The following MAP7 variants were observed in gnomAD, a reference collection of about 807,000 sequenced individuals.
The protein encoded by MAP7 is microtubule associated protein 7, also known as ensconsin.
Under a neutral mutation model 94.8 loss-of-function variants are expected in MAP7, and 52 were observed. The observed-to-expected ratio is 0.55, with a 90% CI of 0.44 to 0.69. MAP7 has a LOEUF of 0.69. MAP7 is among the 30% of genes least tolerant of loss of function. The pLI, the probability that MAP7 is intolerant of heterozygous loss-of-function variation, is 0.00. For synonymous variants in MAP7, 350 were observed against 357.0 expected (o/e 0.98, Z 0.22); for missense variants, 940 against 964.6 (o/e 0.97, Z 0.34).
At chr6:136,353,828 C>T (rs1485509143) in intron 16 of MAP7, among the ~76,000 whole-genome samples, 1 of 152,144 alleles carries the variant, frequency 6.6e-6, no homozygotes, top group Non-Finnish European at 1.5e-5. Flanking sequence ...GCTGGGATTA[C>T]AGGCGTAAGC....
At chr6:136,367,419 G>A (rs543235863) in intron 8 of MAP7, among the ~76,000 whole-genome samples, 4 of 152,202 alleles carry the variant, frequency 2.6e-5, no homozygotes, top group African/African-American at 4.8e-5. Flanking sequence ...ACATGAACTA[G>A]TACTGTACCT....
intron 11 of MAP7, among the ~76,000 whole-genome samples, chr6:136,361,940 TG>T (rs1239499800): frequency 6.6e-6 from 1 of 152,234 alleles, no homozygotes; most frequent in Non-Finnish European, 1.5e-5. Flanking sequence ...ACTGTACAAT[TG>T]TACCTCTGCT....
In MAP7 at chr6:136,389,375, C is replaced by A; in HGVS notation, c.387G>T (p.Arg129Ser). The change falls in exon 4 of 18, where the codon AGG (arginine) becomes AGT (serine). Residue 129 changes from arginine to serine, a missense_variant. Arg to Ser is a moderately radical substitution (Grantham distance 110). Coordinates refer to ENST00000354570, the MANE Select transcript of MAP7 (RefSeq NM_003980.6). ...RRRAAVEEKR[R>S]QRLEEDKERH... ...TCACTTTGTCCTCCTCAAGTCTCTG[C>A]CTCCGCTTCTCCTCCACAGCAGCCC... 1 of 1,555,918 alleles carries A rather than the reference C, an allele frequency of 6.4e-7. No individual in the cohort carries two copies. Among genetic ancestry groups the A allele is most frequent in the African/African-American group, 1.4e-5 (1 of 71,824 alleles).
intron 1 of MAP7, among the ~76,000 whole-genome samples, chr6:136,476,666 C>A (rs1269948524): frequency 1.3e-5 from 2 of 152,146 alleles, no homozygotes; most frequent in Non-Finnish European, 2.9e-5. Context: ...ATCTATCACA[C>A]CTGCTCCAGG....
chr6:136,392,065 T>C (rs1780927113), intron 3 of MAP7, among the ~76,000 whole-genome samples: 1 of 152,158 alleles, frequency 6.6e-6, no homozygotes. Flanking sequence ...TGTACCAAAG[T>C]ACACTTACTG....
intron 1 of MAP7, among the ~76,000 whole-genome samples, chr6:136,537,451 T>C (rs2129058471): frequency 6.6e-6 from 1 of 152,348 alleles, no homozygotes; most frequent in South Asian, 2.1e-4. Context: ...ACATCTCTTG[T>C]ATTTTTTCTC....
chr6:136,388,669 A>G lies in MAP7; in HGVS notation c.409-159T>C, dbSNP rs997162910. ...ATACCATAAGGTGAGACTAGTGTCA[A>G]TCTGGGAGGGTCACTTTAGTCATTA... is the stretch of plus-strand genomic sequence containing the variant. On this transcript the variant is annotated intron_variant, in intron 4 of 17. Coordinates refer to ENST00000354570, the MANE Select transcript of MAP7 (RefSeq NM_003980.6). 4.1e-5 allele frequency: 24 copies of G among 589,156 alleles called. No homozygotes were observed. The African/African-American group carries it at 4.3e-4, about 11-fold the overall frequency. The allele number at this position is 589,156 out of a possible 1,614,324, so 36.5% of individuals were successfully genotyped here.
chr6:136,424,365 G>A (rs1457287505), intron 1 of MAP7, among the ~76,000 whole-genome samples: 2 of 149,782 alleles, frequency 1.3e-5, no homozygotes, highest in East Asian at 1.9e-4. Context: ...CATATACTAC[G>A]ATGCTCAGTA....
chr6:136,396,103 A>G (rs1191771775), intron 3 of MAP7, among the ~76,000 whole-genome samples: 8 of 151,700 alleles, frequency 5.3e-5, no homozygotes, highest in East Asian at 1.9e-4. Flanking sequence ...GAAGAATGTC[A>G]TTGGTATTTT....
At chr6:136,461,322 T>C (rs1255228219) in intron 1 of MAP7, among the ~76,000 whole-genome samples, 1 of 152,196 alleles carries the variant, frequency 6.6e-6, no homozygotes, top group Non-Finnish European at 1.5e-5. Context: ...TATTACTGAA[T>C]ACTTACATAT....
rs1789788113 is a variant in MAP7 at position 136,417,239 on chromosome 6, T to G, written c.166+4462A>C. ...GGTTTAAGAGGAATAGAACTTAGGC[T>G]TAATTAAGATTGCAGTTGCACTCCA... On this transcript the variant is annotated intron_variant, in intron 2 of 17. Transcript: ENST00000354570. Among the ~76,000 whole-genome samples the G allele has an allele frequency of 2.6e-5, 4 of 152,240 alleles. No homozygotes were observed. In the South Asian group the frequency reaches 8.3e-4, roughly 32 times the overall value.
chr6:136,411,559 G>T, intron 3 of MAP7, 61 bp downstream of exon 3: 1 of 1,405,584 alleles, frequency 7.1e-7, no homozygotes. Flanking sequence ...GTATGCAAAA[G>T]ACCACGGTAT....
rs906509223 is a variant in MAP7, at chr6:136,457,003, A to G, written c.68-35204T>C. ...AAAGGAGAATATAAAAACACTGGGGAAAAAAACTCAATGAAACAAAGTTTT... is the reference window on the plus strand; with the variant it reads ...AAAGGAGAATATAAAAACACTGGGGGAAAAAACTCAATGAAACAAAGTTTT... On this transcript the variant is annotated intron_variant, in intron 1 of 17. Coordinates refer to ENST00000354570, the MANE Select transcript of MAP7 (RefSeq NM_003980.6). 7.2e-4 allele frequency among the ~76,000 whole-genome samples: 100 copies of G among 138,546 alleles called. 3 individuals are homozygous for G. The Admixed American group carries it at 7.6e-3, about 11-fold the overall frequency. 90.9% of individuals were successfully genotyped at this position (138,546 alleles called of 152,430 possible).
intron 13 of MAP7, among the ~76,000 whole-genome samples, chr6:136,360,332 G>C (rs1792213445): frequency 6.6e-6 from 1 of 152,084 alleles, no homozygotes; most frequent in African/African-American, 2.4e-5. Flanking sequence ...TTTTAGTAAA[G>C]ACAGGGTTTC....
intron 1 of MAP7, among the ~76,000 whole-genome samples, chr6:136,489,183 A>G (rs556170256): frequency 1.3e-4 from 20 of 150,728 alleles, no homozygotes; most frequent in Non-Finnish European, 2.5e-4. Flanking sequence ...TTTTTTTTTT[A>G]TGAGATTTCA....
intron 1 of MAP7, among the ~76,000 whole-genome samples, chr6:136,456,139 C>G (rs566474254): frequency 1.4e-3 from 211 of 152,284 alleles, no homozygotes; most frequent in Non-Finnish European, 2.3e-3. Flanking sequence ...CCCAAGTGTA[C>G]ATACATGATG....
Position 136,388,489 on chromosome 6 carries a change from G to A in MAP7, c.430C>T (p.Arg144Trp), listed in dbSNP as rs369036954. The A allele has an allele frequency of 7.3e-5, 118 of 1,613,986 alleles. No homozygotes were observed. The highest frequency in any genetic ancestry group is 5.2e-4 in the African/African-American group (39 of 75,016). ...TTCTGGCTCCTTTCCATTGTGCGCC[G>A]TACAACAGCTTCGTGGCGTTCCTTA... ...EDKERHEAVV[R>W]RTMERSQKPK... The change falls in exon 5 of 18, where the codon CGG becomes TGG. Residue 144 changes from arginine (R) to tryptophan (W), a missense_variant. Coordinates refer to ENST00000354570, the MANE Select transcript of MAP7 (RefSeq NM_003980.6).
At chr6:136,385,469 A>G (rs1178702754) in intron 5 of MAP7, among the ~76,000 whole-genome samples, 1 of 152,178 alleles carries the variant, frequency 6.6e-6, no homozygotes, top group Non-Finnish European at 1.5e-5. Flanking sequence ...ATATTGCTTT[A>G]TATGTTATGC....
chr6:136,391,555 A>AAAC (rs58864802), intron 3 of MAP7, among the ~76,000 whole-genome samples: 104,885 of 149,598 alleles, frequency 0.7, 37,771 homozygotes, highest in Middle Eastern at 0.8. Context: ...GTATAATAAA[A>AAAC]AACAACAACA....
Sources: allele counts gnomAD v4.1 joint callset (sites outside exome capture counted in the v4.1 genomes callset), GRCh38; gene constraint gnomAD v4.1.1; transcripts MANE v1.5; gene names NCBI Gene and HGNC (gene_info 2026-07-23, HGNC 2026-07-21).